Variants in GRAMD1B observed in about 807,000 individuals in gnomAD.
GRAMD1B encodes the protein protein Aster-B.
A neutral mutation model predicts 99.7 loss-of-function variants in GRAMD1B; 37 were observed. The ratio of observed to expected loss-of-function variants is 0.37; its 90% CI spans 0.29 to 0.49. The LOEUF (loss-of-function observed/expected upper bound fraction) is 0.49, where lower values mean the gene tolerates loss of function less well. GRAMD1B is among the 20% of genes least tolerant of loss of function. The probability of loss-of-function intolerance (pLI) is 0.98; values close to 1 mark genes in which losing one functional copy is unlikely to be tolerated. For synonymous variants in GRAMD1B, 427 were observed against 387.6 expected (o/e 1.10, Z -1.19); for missense variants, 888 against 1,009.2 (o/e 0.88, Z 1.63).
intron 1 of GRAMD1B, among the ~76,000 whole-genome samples, chr11:123,456,942 A>C (rs548852728): frequency 1.3e-5 from 2 of 149,626 alleles, no homozygotes; most frequent in South Asian, 4.2e-4. Flanking sequence ...AAAAAAGAAA[A>C]AGAAAAGAAA....
chr11:123,386,056 T>G (rs1195057660), intron 1 of GRAMD1B, among the ~76,000 whole-genome samples: 1 of 152,220 alleles, frequency 6.6e-6, no homozygotes, highest in African/African-American at 2.4e-5. Flanking sequence ...TTTGACAGAT[T>G]TGAGTTGGAA....
At chr11:123,456,934 A>G (rs990128079) in intron 1 of GRAMD1B, among the ~76,000 whole-genome samples, 22 of 149,534 alleles carry the variant, frequency 1.5e-4, no homozygotes, top group Admixed American at 8.1e-4. Context: ...AAAAAAAAAA[A>G]AAAGAAAAAG....
At chr11:123,613,771 A>G in intron 16 of GRAMD1B, 113 bp downstream of exon 16, 1 of 726,634 alleles carries the variant, frequency 1.4e-6, no homozygotes, top group Non-Finnish European at 2.3e-6. Context: ...TAATTTGTAT[A>G]TAATTTGAAC....
At chr11:123,526,325 C>T (rs943858095) in intron 2 of GRAMD1B, among the ~76,000 whole-genome samples, 1 of 152,144 alleles carries the variant, frequency 6.6e-6, no homozygotes, top group African/African-American at 2.4e-5. Flanking sequence ...AGTTGGGGTA[C>T]TCTCCCTGGC....
chr11:123,399,862 T>C (rs1947598309), intron 1 of GRAMD1B, among the ~76,000 whole-genome samples: 1 of 152,158 alleles, frequency 6.6e-6, no homozygotes, highest in African/African-American at 2.4e-5. Context: ...TCAAGTGATC[T>C]ACCTGCCCCT....
intron 1 of GRAMD1B, among the ~76,000 whole-genome samples, chr11:123,373,585 A>G (rs1015020208): frequency 1.3e-5 from 2 of 152,246 alleles, no homozygotes; most frequent in Admixed American, 6.5e-5. Context: ...CAGAAAAGGC[A>G]TAGTGGAAGA....
chr11:123,394,307 A>G (rs754363069), intron 1 of GRAMD1B, among the ~76,000 whole-genome samples: 3 of 152,054 alleles, frequency 2.0e-5, no homozygotes, highest in Non-Finnish European at 2.9e-5. Flanking sequence ...CAGCATTGAG[A>G]TTCCTTCTGC....
Position 123,462,890 on chromosome 11 carries a change from TTAAAAAAAAAA to T in GRAMD1B, c.375-17925_375-17915del, listed in dbSNP as rs1220074490. Among the ~76,000 whole-genome samples, 103 of 123,114 alleles carry T rather than the reference TTAAAAAAAAAA, an allele frequency of 8.4e-4. 2 individuals are homozygous for T. Among genetic ancestry groups the T allele is most frequent in the African/African-American group, 3.0e-3 (95 of 31,330 alleles). 80.8% of individuals were successfully genotyped at this position (123,114 alleles called of 152,430 possible). On this transcript the variant is annotated intron_variant, in intron 1 of 19. Coordinates refer to ENST00000635736, the MANE Select transcript of GRAMD1B (RefSeq NM_001387025.1). ...CAAGAATTATCAATAAAAAAATAAA[TTAAAAAAAAAA>T]AAAAAAAAAAAGAAATCCCTGTTTC...
intron 4 of GRAMD1B, among the ~76,000 whole-genome samples, chr11:123,592,647 A>G (rs766308649): frequency 2.0e-5 from 3 of 152,190 alleles, no homozygotes; most frequent in Non-Finnish European, 4.4e-5. Context: ...TCTCAGTGCC[A>G]GTTTGAAACT....
At chr11:123,502,774 C>CAAAAA (rs34321315) in intron 2 of GRAMD1B, among the ~76,000 whole-genome samples, 19 of 98,422 alleles carry the variant, frequency 1.9e-4, no homozygotes, top group South Asian at 3.4e-4. Context: ...GACTCCATCT[C>CAAAAA]AAAAAAAAAA....
At chr11:123,567,588 G>A (rs537532038) in intron 2 of GRAMD1B, among the ~76,000 whole-genome samples, 2 of 152,228 alleles carry the variant, frequency 1.3e-5, no homozygotes, top group Admixed American at 6.5e-5. Context: ...TTGTCATTTC[G>A]GGCATGGAGT....
chr11:123,571,234 G>T (rs1452915202), intron 2 of GRAMD1B, among the ~76,000 whole-genome samples: 1 of 152,236 alleles, frequency 6.6e-6, no homozygotes, highest in Non-Finnish European at 1.5e-5. Context: ...TAGCTGATCA[G>T]GGAGCTGGCT....
chr11:123,601,113 A>T (rs368800101), intron 8 of GRAMD1B, among the ~76,000 whole-genome samples: 1 of 152,182 alleles, frequency 6.6e-6, no homozygotes, highest in East Asian at 1.9e-4. Context: ...TGAGCCTTGG[A>T]TGGGCTGGCT....
intron 1 of GRAMD1B, among the ~76,000 whole-genome samples, chr11:123,433,065 T>A (rs1297168698): frequency 6.6e-6 from 1 of 151,940 alleles, no homozygotes; most frequent in Non-Finnish European, 1.5e-5. Flanking sequence ...ACTAAAGTAG[T>A]TTGTCAGGCC....
chr11:123,385,892 T>C (rs919724005), intron 1 of GRAMD1B, among the ~76,000 whole-genome samples: 2 of 152,208 alleles, frequency 1.3e-5, no homozygotes, highest in Non-Finnish European at 1.5e-5. Flanking sequence ...TGCTTCTTCC[T>C]GCATATGCTT....
At chr11:123,464,649 A>G (rs566916998) in intron 1 of GRAMD1B, among the ~76,000 whole-genome samples, 1 of 152,330 alleles carries the variant, frequency 6.6e-6, no homozygotes, top group East Asian at 1.9e-4. Context: ...CAATGAGGGA[A>G]TGGGAACCTT....
intron 1 of GRAMD1B, among the ~76,000 whole-genome samples, chr11:123,470,510 C>CTTT (rs61137951): frequency 2.9e-5 from 3 of 102,712 alleles, no homozygotes; most frequent in East Asian, 2.9e-4. Flanking sequence ...TTCTTTCTTT[C>CTTT]TTTTTTTTTT....
chr11:123,359,732 T>C (rs1946075709), intron 1 of GRAMD1B, among the ~76,000 whole-genome samples: 1 of 151,904 alleles, frequency 6.6e-6, no homozygotes, highest in Non-Finnish European at 1.5e-5. Context: ...AATCTCTAGA[T>C]TTTTTTTCCT....
intron 1 of GRAMD1B, among the ~76,000 whole-genome samples, chr11:123,442,418 T>C (rs1949451456): frequency 6.6e-6 from 1 of 152,142 alleles, no homozygotes; most frequent in Admixed American, 6.6e-5. Context: ...TCTTGGATCT[T>C]GCACAGGAAA....
Sources: allele counts gnomAD v4.1 joint callset (sites outside exome capture counted in the v4.1 genomes callset), GRCh38; gene constraint gnomAD v4.1.1; transcripts MANE v1.5; gene names NCBI Gene and HGNC (gene_info 2026-07-23, HGNC 2026-07-21).